The following ZNF609 variants were observed in gnomAD, a reference collection of about 807,000 sequenced individuals.
ZNF609 encodes the protein zinc finger protein 609.
ZNF609 carries 11 observed loss-of-function variants against 109.5 expected under a neutral mutation model. The observed-to-expected ratio is 0.10, with a 90% CI of 0.06 to 0.17. The LOEUF (loss-of-function observed/expected upper bound fraction) is 0.17. Ranked by LOEUF, ZNF609 falls within the 10% of genes least tolerant of loss-of-function variation. The pLI is 1.00. For synonymous variants in ZNF609, 646 were observed against 662.0 expected (o/e 0.98, Z 0.37); for missense variants, 1,559 against 1,772.4 (o/e 0.88, Z 2.16).
At chr15:64,569,965 C>G (rs1461843589) in intron 2 of ZNF609, among the ~76,000 whole-genome samples, 1 of 152,078 alleles carries the variant, frequency 6.6e-6, no homozygotes, top group Non-Finnish European at 1.5e-5. Context: ...CACTGTGTGC[C>G]AAGAACGGAA....
At chr15:64,589,614 G>T (rs74710408) in intron 2 of ZNF609, among the ~76,000 whole-genome samples, 2 of 152,120 alleles carry the variant, frequency 1.3e-5, no homozygotes, top group African/African-American at 4.8e-5. Flanking sequence ...TCCATTTGTC[G>T]TAATCATTAT....
intron 4 of ZNF609, among the ~76,000 whole-genome samples, chr15:64,670,842 CA>C (rs1896714841): frequency 6.8e-6 from 1 of 146,822 alleles, no homozygotes; most frequent in Non-Finnish European, 1.5e-5. Context: ...CACACCATTG[CA>C]CTCCAGCCTG....
chr15:64,480,044 C>T (rs1374283319), intron 1 of ZNF609, among the ~76,000 whole-genome samples: 1 of 150,744 alleles, frequency 6.6e-6, no homozygotes, highest in Non-Finnish European at 1.5e-5. Flanking sequence ...CGAAACCAGC[C>T]TGGCGAACGT....
chr15:64,619,270 G>A (rs1291595654), intron 2 of ZNF609, among the ~76,000 whole-genome samples: 1 of 152,190 alleles, frequency 6.6e-6, no homozygotes, highest in African/African-American at 2.4e-5. Context: ...AAAGTGCTGG[G>A]ACTACAGGCT....
At chr15:64,561,520 C>G (rs945231257) in intron 2 of ZNF609, among the ~76,000 whole-genome samples, 2 of 150,042 alleles carry the variant, frequency 1.3e-5, no homozygotes, top group African/African-American at 4.9e-5. Context: ...ATTATTCTCT[C>G]ATAATATTTT....
intron 7 of ZNF609, 100 bp from the exon 8 acceptor site, chr15:64,680,546 C>A: frequency 7.7e-7 from 1 of 1,298,958 alleles, no homozygotes; most frequent in Non-Finnish European, 1.1e-6. Flanking sequence ...TAAGGTGGCA[C>A]CCTGGGCATC....
chr15:64,552,771 C>T (rs1366061886), intron 2 of ZNF609, among the ~76,000 whole-genome samples: 2 of 152,064 alleles, frequency 1.3e-5, no homozygotes, highest in East Asian at 3.8e-4. Context: ...GCCTCAGGCT[C>T]CCAAGTAGCT....
chr15:64,672,234 G>A (rs920470775), intron 4 of ZNF609, among the ~76,000 whole-genome samples: 2 of 149,394 alleles, frequency 1.3e-5, no homozygotes, highest in African/African-American at 2.4e-5. Context: ...GGATGGTCTC[G>A]ATCTCCTGAC....
chr15:64,485,960 G>T (rs937901421), intron 1 of ZNF609, among the ~76,000 whole-genome samples: 1 of 152,044 alleles, frequency 6.6e-6, no homozygotes, highest in Non-Finnish European at 1.5e-5. Context: ...TTGTATATAT[G>T]TGTTTTCAGT....
At chr15:64,604,635 C>G (rs998967115) in intron 2 of ZNF609, among the ~76,000 whole-genome samples, 1 of 152,006 alleles carries the variant, frequency 6.6e-6, no homozygotes, top group African/African-American at 2.4e-5. Context: ...GTGGTCAGGA[C>G]TTTTTCAGTT....
At chr15:64,574,468 T>C (rs548044410) in intron 2 of ZNF609, among the ~76,000 whole-genome samples, 1 of 152,324 alleles carries the variant, frequency 6.6e-6, no homozygotes, top group South Asian at 2.1e-4. Context: ...ACTTAATAGC[T>C]GAATCACTCA....
At chr15:64,669,793 G>A (rs979818111) in intron 3 of ZNF609, among the ~76,000 whole-genome samples, 2 of 151,988 alleles carry the variant, frequency 1.3e-5, no homozygotes, top group Admixed American at 6.6e-5. Context: ...TCACTCTCCT[G>A]AGTAGCTGGG....
intron 2 of ZNF609, among the ~76,000 whole-genome samples, chr15:64,567,282 G>A (rs986757622): frequency 2.0e-5 from 3 of 152,002 alleles, no homozygotes; most frequent in South Asian, 4.2e-4. Context: ...TCAAGAGATC[G>A]AGACCATCTG....
intron 2 of ZNF609, chr15:64,528,584 G>A (rs1256683865): frequency 2.8e-5 from 18 of 639,808 alleles, no homozygotes; most frequent in Non-Finnish European, 4.8e-5. Flanking sequence ...GCTTGGTGGG[G>A]GACTGATTAT....
chr15:64,558,129 A>T (rs1463104484), intron 2 of ZNF609, among the ~76,000 whole-genome samples: 1 of 152,090 alleles, frequency 6.6e-6, no homozygotes, highest in African/African-American at 2.4e-5. Flanking sequence ...GTTTCTCATA[A>T]ATTTTCATTC....
intron 1 of ZNF609, among the ~76,000 whole-genome samples, chr15:64,493,595 T>C (rs965183691): frequency 7.2e-5 from 11 of 152,188 alleles, no homozygotes; most frequent in African/African-American, 2.7e-4. Flanking sequence ...AAAACACAGA[T>C]AGTACTGACA....
intron 1 of ZNF609, among the ~76,000 whole-genome samples, chr15:64,480,397 G>A (rs944003117): frequency 2.6e-5 from 4 of 152,016 alleles, no homozygotes; most frequent in African/African-American, 9.7e-5. Context: ...TGGGCGTAGT[G>A]GCGGGTGCCT....
rs375607168 is a variant in ZNF609, at chr15:64,649,958, A to T, written c.974-20388A>T. 1.1e-4 allele frequency among the ~76,000 whole-genome samples: 17 copies of T among 152,102 alleles called. 1 individual carries two copies. The highest frequency in any genetic ancestry group is 7.7e-4 in the East Asian group (4 of 5,206). On this transcript the variant is annotated intron_variant, in intron 3 of 9. Coordinates refer to ENST00000326648, the MANE Select transcript of ZNF609 (RefSeq NM_015042.2). ...ATAGAATAATATAGCAGTCATAGGG[A>T]CACACTTTGACACATCACATAAGAA...
chr15:64,631,252 C>A (rs777228481), intron 3 of ZNF609: 55 of 650,804 alleles, frequency 8.5e-5, no homozygotes, highest in Admixed American at 3.6e-4. Context: ...TTTTTCTGAT[C>A]ATTTTTCCTT....
Sources: gnomAD v4.1 joint callset for allele counts (sites outside exome capture counted in the v4.1 genomes callset) on GRCh38, gnomAD v4.1.1 for gene constraint, MANE v1.5 for transcripts, NCBI Gene and HGNC (gene_info 2026-07-23, HGNC 2026-07-21) for gene names.